The following PLA2G4A variants were observed in gnomAD, a reference collection of about 807,000 sequenced individuals.
PLA2G4A encodes phospholipase A2 group IVA.
A neutral mutation model predicts 81.9 loss-of-function variants in PLA2G4A; 40 were observed. The ratio of observed to expected loss-of-function variants is 0.49; its 90% CI spans 0.38 to 0.64. The LOEUF (loss-of-function observed/expected upper bound fraction) is 0.64. Ranked by LOEUF, PLA2G4A falls within the 30% of genes least tolerant of loss-of-function variation. The pLI is 0.00. For missense variants in PLA2G4A, 715 were observed against 905.1 expected (o/e 0.79, Z 2.69); for synonymous variants, 302 against 296.9 (o/e 1.02, Z -0.18).
At chr1:186,866,510 A>G (rs1231246308) in intron 2 of PLA2G4A, among the ~76,000 whole-genome samples, 1 of 152,136 alleles carries the variant, frequency 6.6e-6, no homozygotes, top group Admixed American at 6.6e-5. Context: ...ATATTAAATG[A>G]CAGTTGGTGT....
At chr1:186,976,829 G>A (rs1182418318) in intron 15 of PLA2G4A, among the ~76,000 whole-genome samples, 6 of 152,192 alleles carry the variant, frequency 3.9e-5, no homozygotes, top group African/African-American at 1.4e-4. Context: ...TCGAATCTCC[G>A]TAGCTGACTG....
intron 10 of PLA2G4A, among the ~76,000 whole-genome samples, chr1:186,941,091 C>A (rs1377917730): frequency 7.0e-6 from 1 of 143,662 alleles, no homozygotes; most frequent in African/African-American, 2.6e-5. Flanking sequence ...CCAGCCGGGG[C>A]CATAGAGCGA....
Position 186,980,938 on chromosome 1 carries a change from A to G in PLA2G4A, c.2118+1466A>G, listed in dbSNP as rs182479353. Among the ~76,000 whole-genome samples the G allele has an allele frequency of 6.0e-3, 917 of 152,276 alleles. 6 individuals carry two copies. The highest frequency in any genetic ancestry group is 1.0e-2 in the Non-Finnish European group (678 of 68,018). ...CTCCATAGATTTGTTTCCTTTTTAG[A>G]AAAAATATTTCAAGCAGTGGACATC... On this transcript the variant is annotated intron_variant, in intron 17 of 17. Coordinates refer to ENST00000367466, the MANE Select transcript of PLA2G4A (RefSeq NM_024420.3).
chr1:186,936,179 C>G (rs1655936640), intron 8 of PLA2G4A, among the ~76,000 whole-genome samples: 1 of 151,900 alleles, frequency 6.6e-6, no homozygotes, highest in Non-Finnish European at 1.5e-5. Context: ...CATCTATAAA[C>G]AGTGTGGTCC....
At chr1:186,868,707 T>C (rs1479453889) in intron 2 of PLA2G4A, among the ~76,000 whole-genome samples, 1 of 152,216 alleles carries the variant, frequency 6.6e-6, no homozygotes, top group Non-Finnish European at 1.5e-5. Context: ...ATTTCTTTAA[T>C]AGATATGCAC....
intron 6 of PLA2G4A, among the ~76,000 whole-genome samples, chr1:186,908,216 A>G (rs1231601064): frequency 6.6e-6 from 1 of 152,044 alleles, no homozygotes; most frequent in Non-Finnish European, 1.5e-5. Context: ...AATTAACCAT[A>G]ATTCTACTAC....
Position 186,860,045 on chromosome 1 carries a change from GT to G in PLA2G4A, c.33+5664del, listed in dbSNP as rs564332684. On this transcript the variant is annotated intron_variant, in intron 2 of 17. Transcript: ENST00000367466. ...AGGACTGTAAATGAGTTAATAATGA[GT>G]TTTTTGGCAAATAGAATTTCTTTGA... Among the ~76,000 whole-genome samples, 4 of 152,164 alleles carry G rather than the reference GT, an allele frequency of 2.6e-5. No individual in the cohort carries two copies. In the South Asian group the frequency reaches 8.3e-4, roughly 32 times the overall value.
intron 3 of PLA2G4A, among the ~76,000 whole-genome samples, chr1:186,892,552 G>GT (rs1190528971): frequency 6.6e-6 from 1 of 152,150 alleles, no homozygotes; most frequent in Admixed American, 6.5e-5. Context: ...TGAAGAGACT[G>GT]TTTTTTCCCC....
chr1:186,947,045 T>C (rs1357562003), intron 12 of PLA2G4A, 84 bp downstream of exon 12: 1 of 774,534 alleles, frequency 1.3e-6, no homozygotes, highest in Non-Finnish European at 2.2e-6. Context: ...ATATTAAATC[T>C]TTGTAAATAT....
intron 14 of PLA2G4A, among the ~76,000 whole-genome samples, chr1:186,957,051 C>A (rs1235589762): frequency 6.6e-6 from 1 of 151,834 alleles, no homozygotes; most frequent in African/African-American, 2.4e-5. Context: ...ACTCAGGAGG[C>A]TGAAGCACAA....
chr1:186,979,537 C>A, intron 17 of PLA2G4A, 65 bp downstream of exon 17: 2 of 995,396 alleles, frequency 2.0e-6, no homozygotes, highest in Non-Finnish European at 3.2e-6. Flanking sequence ...TACACCAATA[C>A]CTCTTTTCAA....
chr1:186,859,373 A>T (rs1652714113), intron 2 of PLA2G4A, among the ~76,000 whole-genome samples: 1 of 152,168 alleles, frequency 6.6e-6, no homozygotes, highest in Non-Finnish European at 1.5e-5. Flanking sequence ...AAATTTATTG[A>T]AGTTTTTTAT....
At chr1:186,909,179 T>A (rs1654851081) in intron 6 of PLA2G4A, among the ~76,000 whole-genome samples, 1 of 150,190 alleles carries the variant, frequency 6.7e-6, no homozygotes, top group Admixed American at 6.6e-5. Context: ...TTTCACCGTG[T>A]TAGCTAGGAT....
chr1:186,959,693 T>A (rs1246761180), intron 14 of PLA2G4A, among the ~76,000 whole-genome samples: 1 of 152,196 alleles, frequency 6.6e-6, no homozygotes, highest in Non-Finnish European at 1.5e-5. Context: ...AGATCTGATT[T>A]ACCTCCCTCT....
intron 3 of PLA2G4A, among the ~76,000 whole-genome samples, chr1:186,873,153 G>A (rs1026586961): frequency 1.3e-5 from 2 of 152,014 alleles, no homozygotes; most frequent in African/African-American, 4.8e-5. Context: ...AAGGAAAAGT[G>A]AATAGATGAT....
intron 7 of PLA2G4A, among the ~76,000 whole-genome samples, chr1:186,912,651 T>C (rs1011530090): frequency 6.6e-6 from 1 of 150,868 alleles, no homozygotes; most frequent in Non-Finnish European, 1.5e-5. Context: ...GCACATTTCA[T>C]TTTAGTACTA....
At chr1:186,866,453 T>G (rs992179049) in intron 2 of PLA2G4A, among the ~76,000 whole-genome samples, 1 of 152,178 alleles carries the variant, frequency 6.6e-6, no homozygotes, top group Non-Finnish European at 1.5e-5. Flanking sequence ...AGTCTCATTT[T>G]ACTCATTTAT....
At chr1:186,906,862 G>A in intron 5 of PLA2G4A, 103 bp from the exon 6 acceptor site, 2 of 665,216 alleles carry the variant, frequency 3.0e-6, no homozygotes, top group South Asian at 3.6e-5. Context: ...TTGTTTTTTT[G>A]ATTAAAAATA....
intron 15 of PLA2G4A, among the ~76,000 whole-genome samples, chr1:186,976,800 G>A (rs995602205): frequency 1.3e-5 from 2 of 152,168 alleles, no homozygotes; most frequent in Non-Finnish European, 2.9e-5. Flanking sequence ...GCCTGCTTTG[G>A]TGCAGAGACA....
Sources: allele counts gnomAD v4.1 joint callset (sites outside exome capture counted in the v4.1 genomes callset), GRCh38; gene constraint gnomAD v4.1.1; transcripts MANE v1.5; gene names NCBI Gene and HGNC (gene_info 2026-07-23, HGNC 2026-07-21).